DLGAP3: variants seen among roughly 807,000 people sequenced by gnomAD.
DLGAP3 encodes the protein DLG associated protein 3.
DLGAP3 carries 17 observed loss-of-function variants against 81.2 expected under a neutral mutation model. That is an observed-to-expected ratio of 0.21 (90% CI 0.14 to 0.31). The LOEUF is 0.31. DLGAP3 is among the 10% of genes least tolerant of loss of function. The pLI, the probability that DLGAP3 is intolerant of heterozygous loss-of-function variation, is 1.00. For missense variants in DLGAP3, 1,124 were observed against 1,388.0 expected, an observed-to-expected ratio of 0.81 and a Z score of 3.02; for synonymous variants, 577 against 587.4, an observed-to-expected ratio of 0.98 and a Z score of 0.26.
chr1:34,885,083 G>A lies in DLGAP3; in HGVS notation c.1915-20C>T, dbSNP rs888380665. On this transcript the variant is annotated intron_variant, in intron 7 of 11. Transcript: ENST00000373347. ...CTCCACCTGGTGGCAGGGTGGAGGAGTCAGTGGCTGTGGCGAGCCAAGGTG... is the reference window on the plus strand; with the variant it reads ...CTCCACCTGGTGGCAGGGTGGAGGAATCAGTGGCTGTGGCGAGCCAAGGTG... 1.5e-5 allele frequency: 24 copies of A among 1,606,712 alleles called. No homozygotes were observed. Among genetic ancestry groups the A allele is most frequent in the Middle Eastern group, 3.3e-4 (2 of 6,022 alleles).
At chr1:34,903,026 G>C (rs187190462) in intron 3 of DLGAP3, among the ~76,000 whole-genome samples, 142 of 152,206 alleles carry the variant, frequency 9.3e-4, no homozygotes, top group Middle Eastern at 6.8e-3. Flanking sequence ...TGCTCCCTTG[G>C]GCCTTCATGA....
At chr1:34,874,259 A>G (rs1202744496) in intron 8 of DLGAP3, among the ~76,000 whole-genome samples, 1 of 151,838 alleles carries the variant, frequency 6.6e-6, no homozygotes, top group South Asian at 2.1e-4. Flanking sequence ...ACCTCAACTA[A>G]CTCTCCCTGG....
chr1:34,922,992 T>C (rs1242472981), intron 1 of DLGAP3, among the ~76,000 whole-genome samples: 1 of 152,004 alleles, frequency 6.6e-6, no homozygotes, highest in Non-Finnish European at 1.5e-5. Context: ...CATGTCCTCA[T>C]CCCATGCCTA....
At chr1:34,913,158 G>A (rs1453613564) in intron 1 of DLGAP3, among the ~76,000 whole-genome samples, 1 of 152,248 alleles carries the variant, frequency 6.6e-6, no homozygotes, top group Non-Finnish European at 1.5e-5. Context: ...CAGAAAGGAA[G>A]GAGGAAGGCT....
intron 1 of DLGAP3, among the ~76,000 whole-genome samples, chr1:34,913,892 G>A (rs10908403): frequency 0.19 from 28,441 of 152,052 alleles, 2,779 homozygotes; most frequent in Middle Eastern, 0.28. Context: ...TTGTCTAGCC[G>A]CTCTGCTTAG....
In DLGAP3 at chr1:34,905,459, T is replaced by C. The variant is rs926357041; in HGVS notation, c.-51-25A>G. On this transcript the variant is annotated intron_variant, in intron 2 of 11. Transcript: ENST00000373347. ...CCTGGAAAAATAGGGAGAAAAGGTA[T>C]TTGAATTGAACAGCCCTCTTCACCT... 8.8e-6 allele frequency: 13 copies of C among 1,469,628 alleles called. No homozygotes were observed. In the East Asian group the frequency reaches 3.2e-4, roughly 37 times the overall value. 91.0% of individuals were successfully genotyped at this position (1,469,628 alleles called of 1,614,324 possible).
intron 1 of DLGAP3, among the ~76,000 whole-genome samples, chr1:34,908,551 T>C (rs1372122545): frequency 1.3e-5 from 2 of 152,124 alleles, no homozygotes; most frequent in Non-Finnish European, 2.9e-5. Flanking sequence ...GACTCTGAAG[T>C]TTGCAGCAGC....
intron 5 of DLGAP3, among the ~76,000 whole-genome samples, chr1:34,887,711 T>C (rs956162995): frequency 6.6e-6 from 1 of 152,240 alleles, no homozygotes; most frequent in African/African-American, 2.4e-5. Flanking sequence ...CTGCATGGGC[T>C]ATGCGTGAGA....
At chr1:34,921,358 C>T (rs182058177) in intron 1 of DLGAP3, among the ~76,000 whole-genome samples, 52 of 152,308 alleles carry the variant, frequency 3.4e-4, no homozygotes, top group Admixed American at 3.1e-3. Flanking sequence ...AATACCTGTT[C>T]CCACAGTTGC....
intron 2 of DLGAP3, among the ~76,000 whole-genome samples, chr1:34,905,918 A>G (rs1408235759): frequency 2.0e-5 from 3 of 150,546 alleles, no homozygotes; most frequent in African/African-American, 7.3e-5. Context: ...AGAAGGGAGG[A>G]TCACTTGAGC....
At chr1:34,887,669 C>CAA (rs1639254942) in intron 5 of DLGAP3, among the ~76,000 whole-genome samples, 2 of 152,170 alleles carry the variant, frequency 1.3e-5, no homozygotes, top group Admixed American at 1.3e-4. Context: ...TCCAAGCAGG[C>CAA]AAAGCATCAG....
At position 34,895,801 on chromosome 1, in the gene DLGAP3, A is replaced by G. The variant is rs1211032337; in HGVS notation, c.1386+3868T>C. 6.6e-6 allele frequency among the ~76,000 whole-genome samples: 1 copy of G among 152,166 alleles called. No individual in the cohort carries two copies. Among genetic ancestry groups the G allele is most frequent in the African/African-American group, 2.4e-5 (1 of 41,434 alleles). On this transcript the variant is annotated intron_variant, in intron 5 of 11. Coordinates refer to ENST00000373347, the MANE Select transcript of DLGAP3 (RefSeq NM_001080418.3). This position sits in a 1 kb window ranked among gnomAD's most constrained non-coding sequence, Gnocchi z 4.5. ...TGCATTTATGGTAAATTGGTTTTGA[A>G]AAAGGGGCCAAGAAATTTCAATGAG... is the stretch of plus-strand genomic sequence containing the variant.
At chr1:34,882,463 A>T (rs950471316) in intron 8 of DLGAP3, among the ~76,000 whole-genome samples, 2 of 152,188 alleles carry the variant, frequency 1.3e-5, no homozygotes, top group South Asian at 4.1e-4. Flanking sequence ...GGACGACAAG[A>T]GCAAAATGCC....
intron 1 of DLGAP3, among the ~76,000 whole-genome samples, chr1:34,919,690 G>C (rs1452457912): frequency 6.6e-6 from 1 of 152,190 alleles, no homozygotes; most frequent in Admixed American, 6.5e-5. Flanking sequence ...TGAGACAGGG[G>C]AATCGCTTGA....
chr1:34,877,941 C>T (rs1569603565), intron 8 of DLGAP3, among the ~76,000 whole-genome samples: 1 of 152,272 alleles, frequency 6.6e-6, no homozygotes, highest in Non-Finnish European at 1.5e-5. Flanking sequence ...TAGAAATAAA[C>T]TCAAGTCAGT....
rs1462267278 is a variant in DLGAP3 at position 34,873,843 on chromosome 1, G to A, written c.2001-4754C>T. Among the ~76,000 whole-genome samples, 1 of 152,030 alleles carries A rather than the reference G, an allele frequency of 6.6e-6. No individual in the cohort carries two copies. The highest frequency in any genetic ancestry group is 1.5e-5 in the Non-Finnish European group (1 of 68,004). On this transcript the variant is annotated intron_variant, in intron 8 of 11. Coordinates refer to ENST00000373347, the MANE Select transcript of DLGAP3 (RefSeq NM_001080418.3). The surrounding 1 kb of genome is among the most constrained non-coding windows in gnomAD (Gnocchi z 4.2). The stretch of plus-strand genomic sequence containing the variant: ...TGGTTGGTTGGTTGGTTGGTTGGTT[G>A]GTTGGTTGGAAGGAAGGATGGTAGA...
chr1:34,885,428 C>G (rs778174482), intron 7 of DLGAP3, 50 bp downstream of exon 7: 1 of 1,589,398 alleles, frequency 6.3e-7, no homozygotes, highest in African/African-American at 1.3e-5. Flanking sequence ...CTCACCCCAG[C>G]CCCGACCGAC....
Position 34,886,169 on chromosome 1 carries a change from G to C in DLGAP3, c.1503C>G (p.His501Gln). ...DLPGCFRMRS[H>Q]SYLRAIQAGC... is the part of the protein sequence containing the mutation. Reference sequence around the variant, plus strand: ...CGGCCTGGATGGCCCGGAGGTAGCTGTGGCTCCGCATGCGGAAACAGCCGG... The same window carrying C: ...CGGCCTGGATGGCCCGGAGGTAGCTCTGGCTCCGCATGCGGAAACAGCCGG... The change falls in exon 6 of 12, where the codon CAC becomes CAG. Residue 501 changes from histidine (H) to glutamine (Q), a missense_variant. By Grantham distance (24) the His-to-Gln change is conservative. Transcript: ENST00000373347. 6.2e-7 allele frequency: 1 copy of C among 1,610,626 alleles called. No individual in the cohort carries two copies. Among genetic ancestry groups the C allele is most frequent in the Non-Finnish European group, 8.5e-7 (1 of 1,179,102 alleles).
At chr1:34,877,872 AAAAG>A (rs1569603455) in intron 8 of DLGAP3, among the ~76,000 whole-genome samples, 1 of 152,262 alleles carries the variant, frequency 6.6e-6, no homozygotes. Context: ...ACATAAGATA[AAAAG>A]AAAGGGAGAA....
Sources: allele counts gnomAD v4.1 joint callset (sites outside exome capture counted in the v4.1 genomes callset), GRCh38; gene constraint gnomAD v4.1.1; non-coding constraint Gnocchi (gnomAD v3.1); transcripts MANE v1.5; gene names NCBI Gene and HGNC (gene_info 2026-07-23, HGNC 2026-07-21).